Variants in GPR63 observed in about 807,000 individuals in gnomAD.
GPR63 encodes the protein probable G protein-coupled receptor 63.
A neutral mutation model predicts 23.1 loss-of-function variants in GPR63; 12 were observed. The ratio of observed to expected loss-of-function variants is 0.52; its 90% CI spans 0.33 to 0.84. GPR63 has a LOEUF of 0.84. Among genes scored for constraint, GPR63 ranks in the 40% least tolerant of loss-of-function variants. GPR63 has a pLI of 0.02. For synonymous variants in GPR63, 172 were observed against 191.1 expected, an observed-to-expected ratio of 0.90 and a Z score of 0.82; for missense variants, 472 against 515.6, an observed-to-expected ratio of 0.92 and a Z score of 0.82.
intron 1 of GPR63, among the ~76,000 whole-genome samples, chr6:96,826,354 G>A (rs1010550199): frequency 1.3e-5 from 2 of 152,000 alleles, no homozygotes; most frequent in Non-Finnish European, 1.5e-5. Flanking sequence ...CTAAATGACT[G>A]TAAACAAAAT....
chr6:96,827,207 G>A (rs1407600497), intron 1 of GPR63, among the ~76,000 whole-genome samples: 2 of 152,032 alleles, frequency 1.3e-5, no homozygotes, highest in African/African-American at 2.4e-5. Context: ...ATTATGACCA[G>A]AAGACAAGCA....
intron 1 of GPR63, among the ~76,000 whole-genome samples, chr6:96,806,773 G>A (rs1029351238): frequency 6.6e-6 from 1 of 152,188 alleles, no homozygotes; most frequent in African/African-American, 2.4e-5. Flanking sequence ...ATGAGCAAGT[G>A]GCTGAGATTC....
At chr6:96,812,883 A>G (rs1774077380) in intron 1 of GPR63, among the ~76,000 whole-genome samples, 1 of 152,112 alleles carries the variant, frequency 6.6e-6, no homozygotes, top group Non-Finnish European at 1.5e-5. Context: ...AGTTTGAAAT[A>G]TAAAGAACAT....
chr6:96,815,835 T>C (rs1774150451), intron 1 of GPR63, among the ~76,000 whole-genome samples: 1 of 152,198 alleles, frequency 6.6e-6, no homozygotes, highest in Non-Finnish European at 1.5e-5. Context: ...CAAACTTTCA[T>C]ACAGATAAAT....
intron 1 of GPR63, among the ~76,000 whole-genome samples, chr6:96,835,170 C>A (rs1201188280): frequency 6.6e-6 from 1 of 152,004 alleles, no homozygotes; most frequent in African/African-American, 2.4e-5. Context: ...TACTGAAAAC[C>A]AGTGCTTTTT....
chr6:96,811,165 T>A (rs1774032895), intron 1 of GPR63, among the ~76,000 whole-genome samples: 1 of 152,200 alleles, frequency 6.6e-6, no homozygotes, highest in Non-Finnish European at 1.5e-5. Context: ...ACTCATTGCA[T>A]ATGCTCTAAA....
chr6:96,801,301 G>A (rs1468717695), intron 1 of GPR63, among the ~76,000 whole-genome samples: 1 of 151,352 alleles, frequency 6.6e-6, no homozygotes, highest in Non-Finnish European at 1.5e-5. Flanking sequence ...CTGGGTTCAA[G>A]CGGTTCTCCT....
chr6:96,829,110 A>C (rs986594425), intron 1 of GPR63, among the ~76,000 whole-genome samples: 4 of 152,254 alleles, frequency 2.6e-5, no homozygotes, highest in African/African-American at 9.6e-5. Context: ...AGAAGGATAA[A>C]GATTTAAATA....
rs536956795 is a variant in GPR63 at position 96,799,318 on chromosome 6, G to T, written c.414C>A (p.Ala138=). ...MLLAVLNMPF[A]LVTILTTRWI... Reference sequence around the variant, plus strand: ...ATCGGGTAGTAAGAATAGTTACCAGGGCAAAGGGCATGTTCAGCACTGCAA... The same window carrying T: ...ATCGGGTAGTAAGAATAGTTACCAGTGCAAAGGGCATGTTCAGCACTGCAA... The change falls in exon 2 of 2, where the codon GCC becomes GCA. Residue 138 remains alanine (A), a synonymous_variant. Coordinates refer to ENST00000229955, the MANE Select transcript of GPR63 (RefSeq NM_030784.4). 6.2e-7 allele frequency: 1 copy of T among 1,614,090 alleles called. No homozygotes were observed. Among genetic ancestry groups the T allele is most frequent in the African/African-American group, 1.3e-5 (1 of 75,010 alleles).
At chr6:96,827,113 C>A (rs978446537) in intron 1 of GPR63, among the ~76,000 whole-genome samples, 5 of 147,114 alleles carry the variant, frequency 3.4e-5, no homozygotes, top group Admixed American at 3.4e-4. Flanking sequence ...TGATTAAGGG[C>A]AAGGGGAAAA....
In GPR63 at chr6:96,798,729, G is replaced by A. The variant is rs1414214299; in HGVS notation, c.1003C>T (p.Leu335Phe). 1 of 1,614,210 alleles carries A rather than the reference G, an allele frequency of 6.2e-7. No individual in the cohort carries two copies. Among genetic ancestry groups the A allele is most frequent in the Admixed American group, 1.7e-5 (1 of 60,008 alleles). ...AAGTGCTTACTGAATGTTGCCACAA[G>A]GCTGTAAGTGGTGAATGGGGCCCAG... ...VCWAPFTTYSLVATFSKHFYY... is the reference protein window; with the variant it reads ...VCWAPFTTYSFVATFSKHFYY... The change falls in exon 2 of 2, where the codon CTT (leucine) becomes TTT (phenylalanine). Residue 335 changes from leucine (L) to phenylalanine (F), a missense_variant. By Grantham distance (22) the Leu-to-Phe change is conservative. Coordinates refer to ENST00000229955, the MANE Select transcript of GPR63 (RefSeq NM_030784.4).
chr6:96,810,515 A>G (rs866299166), intron 1 of GPR63, among the ~76,000 whole-genome samples: 4 of 151,662 alleles, frequency 2.6e-5, no homozygotes, highest in Middle Eastern at 3.4e-3. Flanking sequence ...AAAAAAAAAG[A>G]TAACAGTTAA....
Position 96,798,304 on chromosome 6 carries a change from T to A in GPR63, c.*168A>T, listed in dbSNP as rs1450227069. ...GGTAATATTTGTAATCACTTTCCTATTATTTATTCTTGGTAACAGAACTAT... is the reference window on the plus strand; with the variant it reads ...GGTAATATTTGTAATCACTTTCCTAATATTTATTCTTGGTAACAGAACTAT... On this transcript the variant is annotated 3_prime_UTR_variant, in exon 2 of 2. Coordinates refer to ENST00000229955, the MANE Select transcript of GPR63 (RefSeq NM_030784.4). The A allele has an allele frequency of 6.2e-5, 40 of 648,276 alleles. No homozygotes were observed. Among genetic ancestry groups the A allele is most frequent in the Non-Finnish European group, 9.1e-5 (36 of 397,686 alleles). The allele number at this position is 648,276 out of a possible 1,614,324, so 40.2% of individuals were successfully genotyped here. A position where few individuals can be genotyped will look rare whatever the true frequency, so the allele number is the denominator to read the frequency against.
At chr6:96,812,501 A>G (rs1774068713) in intron 1 of GPR63, among the ~76,000 whole-genome samples, 1 of 152,188 alleles carries the variant, frequency 6.6e-6, no homozygotes, top group African/African-American at 2.4e-5. Flanking sequence ...TCTGATGACA[A>G]TCAAAACTGA....
At chr6:96,834,513 G>C (rs978406978) in intron 1 of GPR63, among the ~76,000 whole-genome samples, 1 of 151,754 alleles carries the variant, frequency 6.6e-6, no homozygotes, top group East Asian at 1.9e-4. Flanking sequence ...ACTCATTCAT[G>C]TGTCTTCAAG....
At position 96,798,533 on chromosome 6, in the gene GPR63, G is replaced by C. The variant is rs1446741608; in HGVS notation, c.1199C>G (p.Thr400Arg). The C allele has an allele frequency of 6.2e-7, 1 of 1,614,210 alleles. No homozygotes were observed. Residue 400 changes from threonine to arginine, a missense_variant, in exon 2 of 2, where the codon ACA becomes AGA. Thr to Arg is a moderately conservative substitution (Grantham distance 71, BLOSUM62 -1). Transcript: ENST00000229955. ...FKFLPQLPGH[T>R]KRRIRPSAVY... is the part of the protein sequence containing the mutation. ...AGCACTAGGACGTATCCGTCGCTTT[G>C]TGTGACCAGGGAGCTGCGGCAAAAA...
At chr6:96,831,726 G>C (rs1319543256) in intron 1 of GPR63, among the ~76,000 whole-genome samples, 1 of 151,776 alleles carries the variant, frequency 6.6e-6, no homozygotes, top group Non-Finnish European at 1.5e-5. Flanking sequence ...AACCAACATG[G>C]TGAAACCCCC....
intron 1 of GPR63, among the ~76,000 whole-genome samples, chr6:96,802,951 A>G (rs1773808908): frequency 6.6e-6 from 1 of 152,030 alleles, no homozygotes; most frequent in South Asian, 2.1e-4. Context: ...AGAGCTGAAA[A>G]CTGGAAAACT....
intron 1 of GPR63, among the ~76,000 whole-genome samples, chr6:96,801,398 C>T (rs1773762181): frequency 6.6e-6 from 1 of 152,112 alleles, no homozygotes; most frequent in Admixed American, 6.5e-5. Flanking sequence ...GGGGTTTCTC[C>T]ATGTTGGTCA....
Sources: gnomAD v4.1 joint callset for allele counts (sites outside exome capture counted in the v4.1 genomes callset) on GRCh38, gnomAD v4.1.1 for gene constraint, MANE v1.5 for transcripts, NCBI Gene and HGNC (gene_info 2026-07-23, HGNC 2026-07-21) for gene names.